The following STK39 variants were observed in gnomAD, a reference collection of about 807,000 sequenced individuals.
The protein encoded by STK39 is serine/threonine kinase 39.
STK39 carries 20 observed loss-of-function variants against 77.8 expected under a neutral mutation model. That is an observed-to-expected ratio of 0.26 (90% CI 0.18 to 0.37). The LOEUF (loss-of-function observed/expected upper bound fraction) is 0.37, where lower values mean the gene tolerates loss of function less well. Ranked by LOEUF, STK39 falls within the 10% of genes least tolerant of loss-of-function variation. The probability of loss-of-function intolerance (pLI) is 1.00; values close to 1 mark genes in which losing one functional copy is unlikely to be tolerated. For missense variants in STK39, 479 were observed against 656.5 expected, an observed-to-expected ratio of 0.73 and a Z score of 2.95; for synonymous variants, 246 against 234.1, an observed-to-expected ratio of 1.05 and a Z score of -0.47.
intron 1 of STK39, among the ~76,000 whole-genome samples, chr2:168,240,557 G>A (rs1360145114): frequency 6.6e-6 from 1 of 152,238 alleles, no homozygotes; most frequent in Non-Finnish European, 1.5e-5. Flanking sequence ...AAACAGATGT[G>A]AGAGATGGAC....
intron 2 of STK39, among the ~76,000 whole-genome samples, chr2:168,174,853 C>T (rs948318429): frequency 8.6e-5 from 11 of 127,600 alleles, no homozygotes; most frequent in African/African-American, 3.3e-4. Context: ...AAAAAAAAAA[C>T]ACCCAAGAAA....
At chr2:168,044,810 G>A (rs777334757) in intron 14 of STK39, among the ~76,000 whole-genome samples, 1 of 152,124 alleles carries the variant, frequency 6.6e-6, no homozygotes, top group Non-Finnish European at 1.5e-5. Flanking sequence ...AATAAGATTG[G>A]GAAAGGAGAC....
At chr2:168,140,417 C>G in intron 6 of STK39, 27 bp from the exon 7 acceptor site, 1 of 1,576,666 alleles carries the variant, frequency 6.3e-7, no homozygotes, top group African/African-American at 1.3e-5. Context: ...GAAAAAAACA[C>G]AATCATACAG....
At chr2:168,011,456 CAT>C (rs1405207786) in intron 16 of STK39, among the ~76,000 whole-genome samples, 1 of 151,990 alleles carries the variant, frequency 6.6e-6, no homozygotes, top group African/African-American at 2.4e-5. Context: ...TAATAATTAA[CAT>C]AATTATGAAT....
At chr2:167,991,515 AATC>A (rs202054099) in intron 16 of STK39, among the ~76,000 whole-genome samples, 3,967 of 152,270 alleles carry the variant, frequency 0.026, 58 homozygotes, top group Middle Eastern at 0.041. Context: ...ATGACACTGT[AATC>A]ATCTTTGAGC....
At chr2:168,188,673 T>C (rs983961188) in intron 1 of STK39, among the ~76,000 whole-genome samples, 1 of 152,224 alleles carries the variant, frequency 6.6e-6, no homozygotes, top group African/African-American at 2.4e-5. Flanking sequence ...CCCAAACTGA[T>C]CTGCTACATG....
At chr2:168,111,850 C>T (rs555342132) in intron 10 of STK39, among the ~76,000 whole-genome samples, 2 of 152,270 alleles carry the variant, frequency 1.3e-5, no homozygotes, top group East Asian at 3.9e-4. Context: ...ACCTGCCCAC[C>T]CTCCATCTAA....
chr2:168,186,959 G>C (rs1373412638), intron 1 of STK39, among the ~76,000 whole-genome samples: 1 of 152,174 alleles, frequency 6.6e-6, no homozygotes, highest in Non-Finnish European at 1.5e-5. Flanking sequence ...GAGCATAAGA[G>C]TTTAAAATAT....
chr2:168,064,976 G>A (rs189263470), intron 13 of STK39, among the ~76,000 whole-genome samples: 3 of 152,324 alleles, frequency 2.0e-5, no homozygotes, highest in East Asian at 1.9e-4. Context: ...ATGAAAACAG[G>A]TTACAGAAAT....
chr2:168,180,925 A>G (rs1174086442), intron 2 of STK39, among the ~76,000 whole-genome samples: 1 of 152,228 alleles, frequency 6.6e-6, no homozygotes, highest in Non-Finnish European at 1.5e-5. Context: ...TGTAAGGCCA[A>G]ACAGATCTGG....
intron 10 of STK39, among the ~76,000 whole-genome samples, chr2:168,084,025 C>T (rs570796738): frequency 1.4e-5 from 1 of 69,842 alleles, no homozygotes; most frequent in Admixed American, 2.0e-4. Context: ...CTAATGTTAA[C>T]ATATCAAGTT....
intron 1 of STK39, among the ~76,000 whole-genome samples, chr2:168,244,467 C>G (rs1413735488): frequency 1.3e-5 from 2 of 152,172 alleles, no homozygotes; most frequent in Non-Finnish European, 2.9e-5. Context: ...TCACGGTTCA[C>G]ACTGCTGGAG....
intron 1 of STK39, among the ~76,000 whole-genome samples, 167 bp downstream of exon 1, chr2:168,247,061 T>TAAAAAAAAAAA (rs755613797): frequency 4.5e-5 from 4 of 89,300 alleles, no homozygotes; most frequent in African/African-American, 9.2e-5. Flanking sequence ...CATTAAAAAT[T>TAAAAAAAAAAA]AAAAAAAAAA....
chr2:168,046,917 A>G (rs753770027), intron 14 of STK39, among the ~76,000 whole-genome samples: 18 of 152,234 alleles, frequency 1.2e-4, no homozygotes, highest in Non-Finnish European at 2.4e-4. Flanking sequence ...AAGATCTGAC[A>G]ACTCTTTAAA....
intron 8 of STK39, 96 bp from the exon 9 acceptor site, chr2:168,129,854 G>T: frequency 7.0e-7 from 1 of 1,426,706 alleles, no homozygotes; most frequent in South Asian, 1.2e-5. Flanking sequence ...ATTTCTGGAA[G>T]ACCAATTTTA....
chr2:168,052,408 C>A (rs969398432), intron 14 of STK39, among the ~76,000 whole-genome samples: 1 of 151,950 alleles, frequency 6.6e-6, no homozygotes, highest in South Asian at 2.1e-4. Flanking sequence ...TTTGTCTTAA[C>A]AGAAAAGTAT....
At chr2:168,127,074 C>T (rs1028137523) in intron 10 of STK39, among the ~76,000 whole-genome samples, 9 of 152,160 alleles carry the variant, frequency 5.9e-5, no homozygotes, top group African/African-American at 2.2e-4. Context: ...ACTCTAGTTG[C>T]TTATTGTTTA....
intron 14 of STK39, among the ~76,000 whole-genome samples, chr2:168,061,410 T>C (rs1247348537): frequency 6.6e-6 from 1 of 151,852 alleles, no homozygotes; most frequent in Non-Finnish European, 1.5e-5. Flanking sequence ...TTAAACAAAT[T>C]ATCTTCCTGT....
chr2:167,955,645 G>A, intron 17 of STK39, 75 bp from the exon 18 acceptor site: 1 of 1,432,416 alleles, frequency 7.0e-7, no homozygotes, highest in Non-Finnish European at 9.7e-7. Flanking sequence ...TCCTATGATG[G>A]CAGATCTAAG....
Sources: allele counts gnomAD v4.1 joint callset (sites outside exome capture counted in the v4.1 genomes callset), GRCh38; gene constraint gnomAD v4.1.1; transcripts MANE v1.5; gene names NCBI Gene and HGNC (gene_info 2026-07-23, HGNC 2026-07-21).